INHBB: variants seen among roughly 807,000 people sequenced by gnomAD.
INHBB encodes inhibin beta B chain.
INHBB carries 8 observed loss-of-function variants against 28.9 expected under a neutral mutation model. That is an observed-to-expected ratio of 0.28 (90% confidence interval 0.16 to 0.50). The LOEUF (loss-of-function observed/expected upper bound fraction) is 0.50, where lower values mean the gene tolerates loss of function less well. Among genes scored for constraint, INHBB ranks in the 20% least tolerant of loss-of-function variants. The pLI is 0.98. For synonymous variants in INHBB, 293 were observed against 262.7 expected (o/e 1.12, Z -1.12); for missense variants, 499 against 597.8 (o/e 0.83, Z 1.72).
In INHBB at chr2:120,350,061, A is replaced by C. The variant is rs1416952835; in HGVS notation, c.*187A>C. 3.3e-6 allele frequency: 2 copies of C among 609,866 alleles called. No homozygotes were observed. The highest frequency in any genetic ancestry group is 5.7e-6 in the Non-Finnish European group (2 of 353,698). 37.8% of individuals were successfully genotyped at this position (609,866 alleles called of 1,614,324 possible). On this transcript the variant is annotated 3_prime_UTR_variant, in exon 2 of 2. Transcript: ENST00000295228. ...TCATAGAGCAACCAGTCAAAACCAG[A>C]GCGAGAACCCTCAACTGACATGAAA...
In INHBB at chr2:120,350,603, G is replaced by A. The variant is rs1488408527; in HGVS notation, c.*729G>A. 2.8e-5 allele frequency: 4 copies of A among 144,724 alleles called. No individual in the cohort carries two copies. The highest frequency in any genetic ancestry group is 4.5e-5 in the Non-Finnish European group (3 of 65,996). The allele number at this position is 144,724 out of a possible 1,614,324, so 9.0% of individuals were successfully genotyped here. A position where few individuals can be genotyped will look rare whatever the true frequency, so the allele number is the denominator to read the frequency against. ...GGCCTCTGACATGACTTATGTGTGT[G>A]TGTGTTTTTGGGGTGGGGAGGGAGG... On this transcript the variant is annotated 3_prime_UTR_variant, in exon 2 of 2. Coordinates refer to ENST00000295228, the MANE Select transcript of INHBB (RefSeq NM_002193.4).
In INHBB at chr2:120,346,448, A is replaced by T. The variant is rs747402186; in HGVS notation, c.260A>T (p.Gln87Leu). 2 of 1,556,498 alleles carry T rather than the reference A, an allele frequency of 1.3e-6. No homozygotes were observed. Among genetic ancestry groups the T allele is most frequent in the Non-Finnish European group, 1.7e-6 (2 of 1,159,256 alleles). ...AVKRHILSRL[Q>L]MRGRPNITHA... The stretch of plus-strand genomic sequence containing the variant: ...AAGCGGCACATCTTGAGCCGCCTGC[A>T]GATGCGGGGCCGGCCCAACATCACG... Residue 87 changes from glutamine (Q) to leucine (L), a missense_variant, in exon 1 of 2, where the codon CAG (glutamine) becomes CTG (leucine). By Grantham distance (113) the Gln-to-Leu change is moderately radical. Transcript: ENST00000295228.
intron 1 of INHBB, among the ~76,000 whole-genome samples, chr2:120,347,233 C>T (rs993056550): frequency 1.3e-5 from 2 of 152,184 alleles, no homozygotes; most frequent in African/African-American, 4.8e-5. Context: ...GCACCGGAAT[C>T]GGGCGGAAGG....
rs564039454 is a variant in INHBB, at chr2:120,349,018, T to C, written c.449-81T>C. ...CTGTGTGGCGAGTTGCATTCCAGCA[T>C]CCTGCAGCAGAGAGTGTGTTTCCCC... On this transcript the variant is annotated intron_variant, in intron 1 of 1. Coordinates refer to ENST00000295228, the MANE Select transcript of INHBB (RefSeq NM_002193.4). The surrounding 1 kb of genome is among the most constrained non-coding windows in gnomAD (Gnocchi z 5.6). The C allele has an allele frequency of 2.4e-5, 35 of 1,470,406 alleles. 2 individuals carry two copies. In the Middle Eastern group the frequency reaches 9.8e-4, roughly 41 times the overall value. 91.1% of individuals were successfully genotyped at this position (1,470,406 alleles called of 1,614,324 possible).
chr2:120,349,931 T>C lies in INHBB; in HGVS notation c.*57T>C. On this transcript the variant is annotated 3_prime_UTR_variant, in exon 2 of 2. Transcript: ENST00000295228. The surrounding 1 kb of genome is among the most constrained non-coding windows in gnomAD (Gnocchi z 5.6). ...CGGAGGGCAGTCCCGGGTGGGCTTCTTCCAGCCCCCGCGGGAACGGGGGTA... is the reference window on the plus strand; with the variant it reads ...CGGAGGGCAGTCCCGGGTGGGCTTCCTCCAGCCCCCGCGGGAACGGGGGTA... 4 of 1,544,732 alleles carry C rather than the reference T, an allele frequency of 2.6e-6. No homozygotes were observed. In the African/African-American group the frequency reaches 4.1e-5, roughly 16 times the overall value.
intron 1 of INHBB, among the ~76,000 whole-genome samples, chr2:120,347,392 T>G (rs1482324746): frequency 7.6e-6 from 1 of 132,032 alleles, no homozygotes; most frequent in African/African-American, 3.1e-5. Context: ...CTTTCTGGAA[T>G]CCGCCCCCCC....
At chr2:120,346,819 C>T (rs79168800) in intron 1 of INHBB, among the ~76,000 whole-genome samples, 183 bp downstream of exon 1, 2 of 152,206 alleles carry the variant, frequency 1.3e-5, no homozygotes, top group Non-Finnish European at 2.9e-5. Context: ...CCTCTTCCCC[C>T]AGGCCGCAGA....
intron 1 of INHBB, 139 bp from the exon 2 acceptor site, chr2:120,348,960 A>G: frequency 9.9e-7 from 1 of 1,012,724 alleles, no homozygotes; most frequent in Non-Finnish European, 1.4e-6. Context: ...CCTGGCCCCA[A>G]GAATGGTATT....
Position 120,346,644 on chromosome 2 carries a change from C to T in INHBB, c.448+8C>T, listed in dbSNP as rs1273449717. ...TCAGCTTCGCCGAGACAGGTGGGTC[C>T]GGCCCTCCGGCTGTCTGCCGCGGTC... On this transcript the variant is annotated splice_region_variant and intron_variant, in intron 1 of 1. Transcript: ENST00000295228. 1.4e-6 allele frequency: 2 copies of T among 1,421,850 alleles called. No homozygotes were observed. The highest frequency in any genetic ancestry group is 2.8e-5 in the East Asian group (1 of 35,578). 88.1% of individuals were successfully genotyped at this position (1,421,850 alleles called of 1,614,324 possible). A position where few individuals can be genotyped will look rare whatever the true frequency, so the allele number is the denominator to read the frequency against.
Position 120,349,972 on chromosome 2 carries a change from A to G in INHBB, c.*98A>G. The G allele has an allele frequency of 8.2e-7, 1 of 1,214,320 alleles. No individual in the cohort carries two copies. The highest frequency in any genetic ancestry group is 2.5e-5 in the East Asian group (1 of 39,954). The allele number at this position is 1,214,320 out of a possible 1,614,324, so 75.2% of individuals were successfully genotyped here. A position where few individuals can be genotyped will look rare whatever the true frequency, so the allele number is the denominator to read the frequency against. On this transcript the variant is annotated 3_prime_UTR_variant, in exon 2 of 2. Transcript: ENST00000295228. The surrounding 1 kb of genome is among the most constrained non-coding windows in gnomAD (Gnocchi z 5.6). Reference sequence around the variant, plus strand: ...AACGGGGGTACACGGTGGGCTGAGTACAGTCATTCTGTTGGGCTGTGGAGA... The same window carrying G: ...AACGGGGGTACACGGTGGGCTGAGTGCAGTCATTCTGTTGGGCTGTGGAGA...
In INHBB at chr2:120,350,715, C is replaced by G. The variant is rs760800154; in HGVS notation, c.*841C>G. 3.9e-5 allele frequency: 6 copies of G among 152,202 alleles called. No individual in the cohort carries two copies. Among genetic ancestry groups the G allele is most frequent in the Non-Finnish European group, 7.3e-5 (5 of 68,040 alleles). The allele number at this position is 152,202 out of a possible 1,614,324, so 9.4% of individuals were successfully genotyped here. ...TGCCAGTTGTATAACTGAAAAAGGA[C>G]TTTTCTACCAGGTATGACCTTTTAA... On this transcript the variant is annotated 3_prime_UTR_variant, in exon 2 of 2. Transcript: ENST00000295228.
chr2:120,349,907 G>C lies in INHBB; in HGVS notation c.*33G>C. On this transcript the variant is annotated 3_prime_UTR_variant, in exon 2 of 2. Transcript: ENST00000295228. This position sits in a 1 kb window ranked among gnomAD's most constrained non-coding sequence, Gnocchi z 5.6. ...AGGCAGGGGCACGGTGGTGGGGCACGGAGGGCAGTCCCGGGTGGGCTTCTT... is the reference window on the plus strand; with the variant it reads ...AGGCAGGGGCACGGTGGTGGGGCACCGAGGGCAGTCCCGGGTGGGCTTCTT... 1.3e-6 allele frequency: 2 copies of C among 1,582,604 alleles called. No individual in the cohort carries two copies. Among genetic ancestry groups the C allele is most frequent in the Non-Finnish European group, 1.7e-6 (2 of 1,161,502 alleles).
Position 120,349,912 on chromosome 2 carries a change from G to A in INHBB, c.*38G>A, listed in dbSNP as rs1429137061. ...GGGGCACGGTGGTGGGGCACGGAGG[G>A]CAGTCCCGGGTGGGCTTCTTCCAGC... On this transcript the variant is annotated 3_prime_UTR_variant, in exon 2 of 2. Coordinates refer to ENST00000295228, the MANE Select transcript of INHBB (RefSeq NM_002193.4). This position sits in a 1 kb window ranked among gnomAD's most constrained non-coding sequence, Gnocchi z 5.6. 2 of 1,576,502 alleles carry A rather than the reference G, an allele frequency of 1.3e-6. No individual in the cohort carries two copies. Among genetic ancestry groups the A allele is most frequent in the South Asian group, 1.2e-5 (1 of 84,898 alleles).
At position 120,351,138 on chromosome 2, in the gene INHBB, G is replaced by C. The variant is rs935278414; in HGVS notation, c.*1264G>C. 1.3e-5 allele frequency: 2 copies of C among 152,706 alleles called. No homozygotes were observed. Among genetic ancestry groups the C allele is most frequent in the East Asian group, 1.9e-4 (1 of 5,196 alleles). 9.5% of individuals were successfully genotyped at this position (152,706 alleles called of 1,614,324 possible). A position where few individuals can be genotyped will look rare whatever the true frequency, so the allele number is the denominator to read the frequency against. On this transcript the variant is annotated 3_prime_UTR_variant, in exon 2 of 2. Transcript: ENST00000295228. ...CATGACATAGCACTTGCCGATCTGCGTGTGTCCAGAAGTGGCCCTTGGCCG... is the reference window on the plus strand; with the variant it reads ...CATGACATAGCACTTGCCGATCTGCCTGTGTCCAGAAGTGGCCCTTGGCCG...
At position 120,350,086 on chromosome 2, in the gene INHBB, A is replaced by G. The variant is rs1447438264; in HGVS notation, c.*212A>G. On this transcript the variant is annotated 3_prime_UTR_variant, in exon 2 of 2. Coordinates refer to ENST00000295228, the MANE Select transcript of INHBB (RefSeq NM_002193.4). ...AGCGAGAACCCTCAACTGACATGAA[A>G]TACTTTAAAATGCACACGTAGCCAC... The G allele has an allele frequency of 3.5e-6, 2 of 571,702 alleles. No individual in the cohort carries two copies. The highest frequency in any genetic ancestry group is 6.1e-6 in the Non-Finnish European group (2 of 326,246). The allele number at this position is 571,702 out of a possible 1,614,324, so 35.4% of individuals were successfully genotyped here.
chr2:120,348,009 G>A (rs1430079153), intron 1 of INHBB, among the ~76,000 whole-genome samples: 1 of 152,094 alleles, frequency 6.6e-6, no homozygotes, highest in Admixed American at 6.5e-5. Flanking sequence ...TCCGTTTCAC[G>A]GAGCCAGCTC....
rs1205688766 is a variant in INHBB at position 120,346,322 on chromosome 2, C to T, written c.134C>T (p.Pro45Leu). The change falls in exon 1 of 2, where the codon CCC becomes CTC. Residue 45 changes from proline to leucine, a missense_variant. Pro to Leu is a moderately conservative substitution (Grantham distance 98). This residue lies in a region of INHBB where 385 missense variants were observed against 415.2 expected (regional missense o/e 0.93). Coordinates refer to ENST00000295228, the MANE Select transcript of INHBB (RefSeq NM_002193.4). ...GCCGCGCCGCCGCCACCCCCGCCAC[C>T]CGGATCCCCGGGTGGCTCGCAGGAC... Reference protein sequence around the residue: ...TPAAPPPPPPPGSPGGSQDTC... With the variant: ...TPAAPPPPPPLGSPGGSQDTC... The T allele has an allele frequency of 1.4e-6, 2 of 1,388,830 alleles. No individual in the cohort carries two copies. The highest frequency in any genetic ancestry group is 3.1e-5 in the East Asian group (1 of 32,662). The allele number at this position is 1,388,830 out of a possible 1,614,324, so 86.0% of individuals were successfully genotyped here.
At chr2:120,348,514 A>G (rs1691201258) in intron 1 of INHBB, among the ~76,000 whole-genome samples, 1 of 152,134 alleles carries the variant, frequency 6.6e-6, no homozygotes, top group Non-Finnish European at 1.5e-5. Context: ...TGCAAAGCAC[A>G]CGTTCCTATG....
chr2:120,346,690 C>A, intron 1 of INHBB, 54 bp downstream of exon 1: 1 of 1,365,848 alleles, frequency 7.3e-7, no homozygotes, highest in South Asian at 1.7e-5. Context: ...CCCGCTCTCC[C>A]TCTCCTTGCT....
Sources: allele counts gnomAD v4.1 joint callset (sites outside exome capture counted in the v4.1 genomes callset), GRCh38; gene constraint gnomAD v4.1.1; regional missense constraint gnomAD v4.1.1; non-coding constraint Gnocchi (gnomAD v3.1); transcripts MANE v1.5; gene names NCBI Gene and HGNC (gene_info 2026-07-23, HGNC 2026-07-21).